CACNA2D3: variants seen among roughly 807,000 people sequenced by gnomAD.
CACNA2D3 encodes voltage-dependent calcium channel subunit alpha-2/delta-3.
In CACNA2D3, 60 loss-of-function variants were observed where a neutral mutation model predicts 160.6. The observed-to-expected ratio is 0.37, with a 90% CI of 0.30 to 0.46. The LOEUF is 0.46. CACNA2D3 is among the 20% of genes least tolerant of loss of function. The pLI, the probability that CACNA2D3 is intolerant of heterozygous loss-of-function variation, is 1.00. For missense variants in CACNA2D3, 1,205 were observed against 1,365.0 expected, an observed-to-expected ratio of 0.88 and a Z score of 1.85; for synonymous variants, 558 against 492.9, an observed-to-expected ratio of 1.13 and a Z score of -1.75.
intron 2 of CACNA2D3, among the ~76,000 whole-genome samples, chr3:54,147,222 C>T (rs1242004671): frequency 1.3e-5 from 2 of 152,140 alleles, no homozygotes; most frequent in Non-Finnish European, 1.5e-5. Flanking sequence ...CCTTAGTGTC[C>T]CCATCTGTAA....
At chr3:54,727,921 T>G (rs1019383129) in intron 11 of CACNA2D3, among the ~76,000 whole-genome samples, 21 of 152,200 alleles carry the variant, frequency 1.4e-4, no homozygotes, top group Admixed American at 9.2e-4. Context: ...AAAAAAGATA[T>G]GTTCTGTCAT....
At position 54,290,014 on chromosome 3, in the gene CACNA2D3, T is replaced by C. The variant is rs552863791; in HGVS notation, c.205-30428T>C. ...TAGGCATGGGCAAGGACTTCATGTC[T>C]AAAACACCAAAAGCAATGGCAACAA... On this transcript the variant is annotated intron_variant, in intron 2 of 37. Transcript: ENST00000474759. Among the ~76,000 whole-genome samples, 793 of 151,298 alleles carry C rather than the reference T, an allele frequency of 5.2e-3. 6 individuals carry two copies. The highest frequency in any genetic ancestry group is 0.018 in the African/African-American group (742 of 41,232).
intron 2 of CACNA2D3, among the ~76,000 whole-genome samples, chr3:54,155,052 C>A (rs1700221902): frequency 6.6e-6 from 1 of 152,164 alleles, no homozygotes; most frequent in Admixed American, 6.5e-5. Flanking sequence ...GAAAACAAAA[C>A]AAGAGCATTA....
intron 29 of CACNA2D3, among the ~76,000 whole-genome samples, chr3:54,984,339 A>AT (rs55966810): frequency 0.2 from 29,734 of 151,750 alleles, 3,042 homozygotes; most frequent in East Asian, 0.32. Context: ...GTAATTCATC[A>AT]TTTTTTAATG....
At chr3:54,915,882 A>T (rs1700649911) in intron 27 of CACNA2D3, among the ~76,000 whole-genome samples, 1 of 152,236 alleles carries the variant, frequency 6.6e-6, no homozygotes, top group African/African-American at 2.4e-5. Flanking sequence ...TAAAGCAGGA[A>T]GTCTGTTTGC....
chr3:54,517,554 C>T (rs944077596), intron 5 of CACNA2D3, among the ~76,000 whole-genome samples: 1 of 152,234 alleles, frequency 6.6e-6, no homozygotes, highest in African/African-American at 2.4e-5. Flanking sequence ...ACCTGCTGCA[C>T]AGGCTGTAAA....
At chr3:54,593,493 G>A (rs1430112655) in intron 9 of CACNA2D3, among the ~76,000 whole-genome samples, 1 of 151,766 alleles carries the variant, frequency 6.6e-6, no homozygotes, top group African/African-American at 2.4e-5. Context: ...GGATTCAGGA[G>A]GTACACCTGA....
In CACNA2D3 at chr3:54,841,990, A is replaced by G. The variant is rs541204380; in HGVS notation, c.1551+3342A>G. On this transcript the variant is annotated intron_variant, in intron 16 of 37. Coordinates refer to ENST00000474759, the MANE Select transcript of CACNA2D3 (RefSeq NM_018398.3). ...CATGGCACTGTACATTAGAATGGAC[A>G]GGAAGACTGGTTCTATTTTGGATAA... 2.0e-5 allele frequency among the ~76,000 whole-genome samples: 3 copies of G among 152,364 alleles called. No homozygotes were observed. The South Asian group carries it at 6.2e-4, about 32-fold the overall frequency.
chr3:54,727,052 T>G (rs913322084), intron 11 of CACNA2D3, among the ~76,000 whole-genome samples: 2 of 151,904 alleles, frequency 1.3e-5, no homozygotes, highest in Non-Finnish European at 2.9e-5. Flanking sequence ...TACAAAGAAC[T>G]GAAATGTATA....
intron 14 of CACNA2D3, among the ~76,000 whole-genome samples, chr3:54,832,034 C>A (rs1378794598): frequency 1.3e-5 from 2 of 150,464 alleles, no homozygotes; most frequent in Admixed American, 6.6e-5. Context: ...CACACACACA[C>A]ACACACACAC....
chr3:54,533,326 T>C (rs1701833866), intron 5 of CACNA2D3, among the ~76,000 whole-genome samples: 1 of 131,466 alleles, frequency 7.6e-6, no homozygotes, highest in Non-Finnish European at 1.5e-5. Flanking sequence ...TATTTTCTTT[T>C]CTTTCCTTTT....
intron 3 of CACNA2D3, among the ~76,000 whole-genome samples, chr3:54,325,029 A>G (rs76052552): frequency 0.012 from 1,803 of 152,282 alleles, 29 homozygotes; most frequent in South Asian, 0.044. Flanking sequence ...CAGAAGGGTT[A>G]TATTGCATGA....
chr3:54,157,682 T>C lies in CACNA2D3; in HGVS notation c.204+34088T>C, dbSNP rs142884962. On this transcript the variant is annotated intron_variant, in intron 2 of 37. Transcript: ENST00000474759. ...GGTGCATGCCTGTAATCCTCGTTAC[T>C]TGGGAGGCTGAGGCAGGAGGATCGC... Among the ~76,000 whole-genome samples the C allele has an allele frequency of 3.8e-3, 572 of 152,010 alleles. 14 individuals carry two copies. The highest frequency in any genetic ancestry group is 0.034 in the Admixed American group (514 of 15,278).
At position 54,848,955 on chromosome 3, in the gene CACNA2D3, G is replaced by A. The variant is rs576159450; in HGVS notation, c.1626+2488G>A. 3.9e-5 allele frequency among the ~76,000 whole-genome samples: 6 copies of A among 152,348 alleles called. No homozygotes were observed. The South Asian group carries it at 1.0e-3, about 26-fold the overall frequency. ...TAGTGGTTATTTGGACATCTTGTTTGTGTTTATTTTCTATTGTTCTGTCCT... is the reference window on the plus strand; with the variant it reads ...TAGTGGTTATTTGGACATCTTGTTTATGTTTATTTTCTATTGTTCTGTCCT... On this transcript the variant is annotated intron_variant, in intron 17 of 37. Coordinates refer to ENST00000474759, the MANE Select transcript of CACNA2D3 (RefSeq NM_018398.3).
rs576181170 is a variant in CACNA2D3, at chr3:54,763,737, G to GTA, written c.1247-475_1247-474dup. The stretch of plus-strand genomic sequence containing the variant: ...TATGTACATATATACATATATATGT[G>GTA]TATATATGTGCATATATATACACAT... On this transcript the variant is annotated intron_variant, in intron 12 of 37. Coordinates refer to ENST00000474759, the MANE Select transcript of CACNA2D3 (RefSeq NM_018398.3). Among the ~76,000 whole-genome samples, 14 of 93,362 alleles carry GTA rather than the reference G, an allele frequency of 1.5e-4. 1 individual carries two copies. The highest frequency in any genetic ancestry group is 6.4e-4 in the South Asian group (2 of 3,120). 61.2% of individuals were successfully genotyped at this position (93,362 alleles called of 152,430 possible).
intron 12 of CACNA2D3, among the ~76,000 whole-genome samples, chr3:54,754,204 G>A (rs1195571338): frequency 6.6e-6 from 1 of 152,302 alleles, no homozygotes; most frequent in African/African-American, 2.4e-5. Context: ...AGTCTGTGAA[G>A]GCCTTCTTTT....
At chr3:54,886,640 T>G (rs984840812) in intron 23 of CACNA2D3, among the ~76,000 whole-genome samples, 3 of 152,266 alleles carry the variant, frequency 2.0e-5, no homozygotes, top group Non-Finnish European at 2.9e-5. Flanking sequence ...TTAATGCTAT[T>G]CCTACATATG....
At chr3:54,554,630 C>G (rs1235284925) in intron 5 of CACNA2D3, among the ~76,000 whole-genome samples, 1 of 152,036 alleles carries the variant, frequency 6.6e-6, no homozygotes, top group Non-Finnish European at 1.5e-5. Context: ...AAGAGCCGCT[C>G]TCATCTGGCT....
chr3:54,552,448 C>A (rs1702173845), intron 5 of CACNA2D3, among the ~76,000 whole-genome samples: 1 of 152,170 alleles, frequency 6.6e-6, no homozygotes, highest in South Asian at 2.1e-4. Context: ...TTCTCCCACC[C>A]CCTGTGTACT....
Sources: allele counts gnomAD v4.1 joint callset (sites outside exome capture counted in the v4.1 genomes callset), GRCh38; gene constraint gnomAD v4.1.1; transcripts MANE v1.5; gene names NCBI Gene and HGNC (gene_info 2026-07-23, HGNC 2026-07-21).